Variants in SNPH observed in about 807,000 individuals in gnomAD.
SNPH encodes syntaphilin.
In SNPH, 10 loss-of-function variants were observed where a neutral mutation model predicts 36.8. That is an observed-to-expected ratio of 0.27 (90% confidence interval 0.17 to 0.46). The LOEUF (loss-of-function observed/expected upper bound fraction) is 0.46. Ranked by LOEUF, SNPH falls within the 20% of genes least tolerant of loss-of-function variation. The pLI, the probability that SNPH is intolerant of heterozygous loss-of-function variation, is 1.00. For missense variants in SNPH, 622 were observed against 744.0 expected, an observed-to-expected ratio of 0.84 and a Z score of 1.91; for synonymous variants, 281 against 312.2, an observed-to-expected ratio of 0.90 and a Z score of 1.05.
chr20:1,279,106 A>G (rs2088185585), intron 2 of SNPH, among the ~76,000 whole-genome samples: 1 of 152,226 alleles, frequency 6.6e-6, no homozygotes, highest in Non-Finnish European at 1.5e-5. Flanking sequence ...TGGTTGTATC[A>G]TTTGGTAAAT....
rs1380770351 is a variant in SNPH, at chr20:1,266,603, C to T, written c.-599-51C>T. ...CCGGGGGCTCAGCTGCCTGGGTGTT[C>T]CCCGCCCGCGCTCACCCGCCCCGGT... On this transcript the variant is annotated intron_variant, in intron 1 of 6. Coordinates refer to ENST00000381867, the MANE Select transcript of SNPH (RefSeq NM_001318234.2). The surrounding 1 kb of genome is among the most constrained non-coding windows in gnomAD (Gnocchi z 6.0). 2.1e-6 allele frequency: 3 copies of T among 1,424,832 alleles called. No individual in the cohort carries two copies. The allele number at this position is 1,424,832 out of a possible 1,614,324, so 88.3% of individuals were successfully genotyped here.
At chr20:1,300,528 T>A (rs767560640) in intron 5 of SNPH, 34 bp from the exon 6 acceptor site, 1 of 1,613,316 alleles carries the variant, frequency 6.2e-7, no homozygotes, top group South Asian at 1.1e-5. Context: ...CCTGACCTCT[T>A]CCTCCCTCCC....
At chr20:1,270,854 A>C (rs2088064615) in intron 2 of SNPH, among the ~76,000 whole-genome samples, 2 of 152,176 alleles carry the variant, frequency 1.3e-5, no homozygotes, top group Admixed American at 1.3e-4. Context: ...CTTGGTTCAT[A>C]ACTCTGGCCT....
At chr20:1,269,855 C>T (rs117868839) in intron 2 of SNPH, among the ~76,000 whole-genome samples, 4,509 of 152,288 alleles carry the variant, frequency 0.03, 115 homozygotes, top group Non-Finnish European at 0.044. Flanking sequence ...CAGATCATCC[C>T]ATTATGTAGG....
rs1449719999 is a variant in SNPH, at chr20:1,276,647, G to C, written c.-493+9887G>C. On this transcript the variant is annotated intron_variant, in intron 2 of 6. Transcript: ENST00000381867. The surrounding 1 kb of genome is among the most constrained non-coding windows in gnomAD (Gnocchi z 4.6). ...GGGGCTTTATTTATTAAACACAGTA[G>C]GTGCTTAATAAATGCCAGTACCCTT... Among the ~76,000 whole-genome samples the C allele has an allele frequency of 6.6e-6, 1 of 152,134 alleles. No homozygotes were observed. The highest frequency in any genetic ancestry group is 1.5e-5 in the Non-Finnish European group (1 of 68,028).
intron 6 of SNPH, among the ~76,000 whole-genome samples, chr20:1,300,989 T>C (rs1285675411): frequency 1.3e-5 from 2 of 152,242 alleles, no homozygotes; most frequent in African/African-American, 4.8e-5. Flanking sequence ...TGCTGTCCTT[T>C]CCCAGCTTCA....
At chr20:1,288,866 C>T in intron 2 of SNPH, among the ~76,000 whole-genome samples, 1 of 152,122 alleles carries the variant, frequency 6.6e-6, no homozygotes, top group East Asian at 1.9e-4. Context: ...AGGTGATCCG[C>T]CCACCTCGGC....
chr20:1,281,951 A>G (rs1238908887), intron 2 of SNPH, among the ~76,000 whole-genome samples: 5 of 152,240 alleles, frequency 3.3e-5, no homozygotes, highest in Admixed American at 6.5e-5. Flanking sequence ...CTGCATTGCC[A>G]TGGGGCAGAG....
intron 3 of SNPH, 117 bp downstream of exon 3, chr20:1,295,095 C>T (rs1027669123): frequency 1.3e-5 from 2 of 152,672 alleles, no homozygotes; most frequent in African/African-American, 4.8e-5. Context: ...GTAACCCAGG[C>T]TGCTGTCCTC....
intron 2 of SNPH, among the ~76,000 whole-genome samples, chr20:1,289,503 T>A: frequency 7.5e-6 from 1 of 134,176 alleles, no homozygotes; most frequent in Non-Finnish European, 1.5e-5. Flanking sequence ...ATGCAACGGT[T>A]CATTTAAATA....
In SNPH at chr20:1,296,152, A is replaced by G; in HGVS notation, c.-88A>G. On this transcript the variant is annotated 5_prime_UTR_variant, in exon 4 of 7. Coordinates refer to ENST00000381867, the MANE Select transcript of SNPH (RefSeq NM_001318234.2). ...GTTGGGTGGTGGGAACCTGTGCACC[A>G]GCCCTATTCAATTCACTGGTGGAGG... The G allele has an allele frequency of 8.6e-7, 1 of 1,160,500 alleles. No homozygotes were observed. The highest frequency in any genetic ancestry group is 1.2e-6 in the Non-Finnish European group (1 of 851,228). 71.9% of individuals were successfully genotyped at this position (1,160,500 alleles called of 1,614,324 possible). A position where few individuals can be genotyped will look rare whatever the true frequency, so the allele number is the denominator to read the frequency against.
chr20:1,276,231 C>T lies in SNPH; in HGVS notation c.-493+9471C>T, dbSNP rs896787114. 6.1e-5 allele frequency among the ~76,000 whole-genome samples: 9 copies of T among 147,664 alleles called. No homozygotes were observed. The East Asian group carries it at 1.7e-3, about 29-fold the overall frequency. The stretch of plus-strand genomic sequence containing the variant: ...CCCTTCCCCCTCCACAGGAGGGGGG[C>T]TCCTCACTCTGGGGCCGTGTGTTTG... On this transcript the variant is annotated intron_variant, in intron 2 of 6. Coordinates refer to ENST00000381867, the MANE Select transcript of SNPH (RefSeq NM_001318234.2). The surrounding 1 kb of genome is among the most constrained non-coding windows in gnomAD (Gnocchi z 4.6).
At position 1,285,506 on chromosome 20, in the gene SNPH, G is replaced by A. The variant is rs1460393089; in HGVS notation, c.-492-9445G>A. On this transcript the variant is annotated intron_variant, in intron 2 of 6. Coordinates refer to ENST00000381867, the MANE Select transcript of SNPH (RefSeq NM_001318234.2). This position sits in a 1 kb window ranked among gnomAD's most constrained non-coding sequence, Gnocchi z 4.9. ...CGAATAAATAATTACTGCTATTTACGGAGTGCTGTCCCTATGCCAGGTCCT... is the reference window on the plus strand; with the variant it reads ...CGAATAAATAATTACTGCTATTTACAGAGTGCTGTCCCTATGCCAGGTCCT... 2.0e-5 allele frequency among the ~76,000 whole-genome samples: 3 copies of A among 152,118 alleles called. No homozygotes were observed. The highest frequency in any genetic ancestry group is 2.1e-4 in the South Asian group (1 of 4,824).
intron 2 of SNPH, among the ~76,000 whole-genome samples, chr20:1,271,397 A>G (rs530685552): frequency 1.2e-4 from 18 of 152,292 alleles, no homozygotes; most frequent in Admixed American, 1.1e-3. Flanking sequence ...GCTGGAGTTC[A>G]GTGGCATGAT....
At chr20:1,295,114 C>A (rs2088412691) in intron 3 of SNPH, 136 bp downstream of exon 3, 1 of 152,732 alleles carries the variant, frequency 6.5e-6, no homozygotes, top group Admixed American at 6.5e-5. Flanking sequence ...TCAGTCCCTG[C>A]TGTTAATGTG....
At chr20:1,297,381 C>T (rs985947391) in intron 5 of SNPH, 129 bp downstream of exon 5, 6 of 726,456 alleles carry the variant, frequency 8.3e-6, no homozygotes, top group Non-Finnish European at 1.4e-5. Context: ...GGCCGTGTGA[C>T]CTTGAGCAGA....
chr20:1,283,059 C>T (rs960377689), intron 2 of SNPH, among the ~76,000 whole-genome samples: 6 of 152,284 alleles, frequency 3.9e-5, no homozygotes, highest in Non-Finnish European at 7.4e-5. Flanking sequence ...TGTTTGCCAG[C>T]AAGTGGGAAG....
rs1358813404 is a variant in SNPH, at chr20:1,300,656, T to C, written c.385T>C (p.Cys129Arg). The part of the protein sequence containing the change: ...YLTPLQQKEV[C>R]IRHLKARLKD... ...GACCCCCCTGCAGCAGAAGGAGGTGTGCATCCGGCACCTGAAAGCCCGGCT... is the reference window on the plus strand; with the variant it reads ...GACCCCCCTGCAGCAGAAGGAGGTGCGCATCCGGCACCTGAAAGCCCGGCT... Residue 129 changes from cysteine to arginine, a missense_variant, in exon 6 of 7, where the codon TGC becomes CGC. Transcript: ENST00000381867. 1 of 1,612,894 alleles carries C rather than the reference T, an allele frequency of 6.2e-7. No homozygotes were observed. Among genetic ancestry groups the C allele is most frequent in the East Asian group, 2.2e-5 (1 of 44,874 alleles).
chr20:1,303,941 C>T (rs928147397), intron 6 of SNPH, among the ~76,000 whole-genome samples: 1 of 152,154 alleles, frequency 6.6e-6, no homozygotes. Flanking sequence ...CCTTCTTCCT[C>T]ACTGGTGTTA....
Sources: allele counts gnomAD v4.1 joint callset (sites outside exome capture counted in the v4.1 genomes callset), GRCh38; gene constraint gnomAD v4.1.1; non-coding constraint Gnocchi (gnomAD v3.1); transcripts MANE v1.5; gene names NCBI Gene and HGNC (gene_info 2026-07-23, HGNC 2026-07-21).